The following LCMT1 variants were observed in gnomAD, a reference collection of about 807,000 sequenced individuals.
LCMT1 encodes leucine carboxyl methyltransferase 1.
In LCMT1, 32 loss-of-function variants were observed where a neutral mutation model predicts 47.7. The observed-to-expected ratio is 0.67, with a 90% confidence interval of 0.51 to 0.90. The LOEUF (loss-of-function observed/expected upper bound fraction) is 0.90. LCMT1 is among the 40% of genes least tolerant of loss of function. The probability of loss-of-function intolerance (pLI) is 0.00; values close to 1 mark genes in which losing one functional copy is unlikely to be tolerated. For missense variants in LCMT1, 375 were observed against 415.2 expected, an observed-to-expected ratio of 0.90 and a Z score of 0.84; for synonymous variants, 152 against 149.7, an observed-to-expected ratio of 1.02 and a Z score of -0.11.
Position 25,170,700 on chromosome 16 carries a change from G to T in LCMT1, c.793-14G>T. 1 of 1,605,108 alleles carries T rather than the reference G, an allele frequency of 6.2e-7. No homozygotes were observed. The highest frequency in any genetic ancestry group is 8.5e-7 in the Non-Finnish European group (1 of 1,173,036). ...GTTCTCTAGTTCTCCATTTCTCTTC[G>T]TTGCACATTTTAGAAAGAACGGCTC... is the stretch of plus-strand genomic sequence containing the variant. On this transcript the variant is annotated splice_polypyrimidine_tract_variant and intron_variant, in intron 8 of 10. Transcript: ENST00000399069.
chr16:25,143,618 T>C (rs1379630206), intron 4 of LCMT1: 1 of 152,182 alleles, frequency 6.6e-6, no homozygotes, highest in Admixed American at 6.5e-5. Context: ...TTTGGAGTCA[T>C]TTGGGTTAAA....
chr16:25,123,749 A>G (rs980944813), intron 1 of LCMT1, among the ~76,000 whole-genome samples: 1 of 151,008 alleles, frequency 6.6e-6, no homozygotes, highest in African/African-American at 2.4e-5. Context: ...CTGGGATTAC[A>G]GGCATGAGCC....
At position 25,170,807 on chromosome 16, in the gene LCMT1, T is replaced by A; in HGVS notation, c.884+2T>A. On this transcript the variant is annotated splice_donor_variant, in intron 9 of 10. Transcript: ENST00000399069. LOFTEE classifies it high-confidence loss of function. The stretch of plus-strand genomic sequence containing the variant: ...GTTACCTCGAGCTGAAGTGAGCAGG[T>A]ATGGGGTTGGTGAGCGTCAGCTTGA... 6.2e-7 allele frequency: 1 copy of A among 1,602,492 alleles called. No homozygotes were observed. The highest frequency in any genetic ancestry group is 8.5e-7 in the Non-Finnish European group (1 of 1,171,866).
chr16:25,122,314 TG>T (rs1322391836), intron 1 of LCMT1, among the ~76,000 whole-genome samples: 35 of 152,112 alleles, frequency 2.3e-4, no homozygotes, highest in Non-Finnish European at 3.4e-4. Context: ...ATGATGATGA[TG>T]ATTATTGTTT....
At chr16:25,168,467 A>C (rs1961653512) in intron 7 of LCMT1, among the ~76,000 whole-genome samples, 1 of 152,188 alleles carries the variant, frequency 6.6e-6, no homozygotes, top group Admixed American at 6.5e-5. Flanking sequence ...TAATTTAAAA[A>C]GTAATACCAT....
chr16:25,174,372 T>C (rs1033749731), intron 9 of LCMT1, among the ~76,000 whole-genome samples: 4 of 152,262 alleles, frequency 2.6e-5, no homozygotes, highest in African/African-American at 9.6e-5. Context: ...CTACCATTTC[T>C]AGTTTCTTCT....
intron 1 of LCMT1, among the ~76,000 whole-genome samples, chr16:25,115,839 G>A (rs1294679975): frequency 1.3e-5 from 2 of 152,026 alleles, no homozygotes; most frequent in African/African-American, 2.4e-5. Context: ...CACCACACCC[G>A]GCTAATTTTT....
At chr16:25,176,550 CTTTTTTTTTTTTTTTTTTT>C (rs1170373745) in intron 10 of LCMT1, among the ~76,000 whole-genome samples, 5 of 44,268 alleles carry the variant, frequency 1.1e-4, no homozygotes, top group East Asian at 9.7e-4. Flanking sequence ...TTTTTTTTGG[CTTTTTTTTTTTTTTTTTTT>C]TTTTTTTTTT....
intron 3 of LCMT1, among the ~76,000 whole-genome samples, chr16:25,136,023 C>T (rs1240220144): frequency 2.8e-5 from 4 of 142,684 alleles, no homozygotes; most frequent in Non-Finnish European, 4.5e-5. Context: ...CCCCGGAGGT[C>T]GAGACTGTAG....
At chr16:25,124,603 A>C (rs1960102784) in intron 1 of LCMT1, among the ~76,000 whole-genome samples, 1 of 152,252 alleles carries the variant, frequency 6.6e-6, no homozygotes, top group Non-Finnish European at 1.5e-5. Context: ...ATGAGGCACC[A>C]GGCTTGATCC....
In LCMT1 at chr16:25,168,951, C is replaced by T. The variant is rs146173058; in HGVS notation, c.691-161C>T. 1.3e-3 allele frequency among the ~76,000 whole-genome samples: 193 copies of T among 152,294 alleles called. 1 individual carries two copies. The highest frequency in any genetic ancestry group is 4.4e-3 in the African/African-American group (182 of 41,552). On this transcript the variant is annotated intron_variant, in intron 7 of 10. Transcript: ENST00000399069. Reference sequence around the variant, plus strand: ...CCAGGGCTACCCAAGTTTATGCTCCCGCCAGCACCGTGCTGGTGCCCGCCC... The same window carrying T: ...CCAGGGCTACCCAAGTTTATGCTCCTGCCAGCACCGTGCTGGTGCCCGCCC...
intron 4 of LCMT1, chr16:25,142,572 AT>A (rs1960726944): frequency 6.6e-6 from 1 of 152,160 alleles, no homozygotes; most frequent in Non-Finnish European, 1.5e-5. Context: ...TGAAGCTATA[AT>A]GCCGGAAAGG....
rs1567332672 is a variant in LCMT1, at chr16:25,178,072, T to G, written c.*49T>G. ...CAGAAGCCGAAGCCACTTGCCCTCC[T>G]GGAGGAGACCTGCAAGCTCCCTGAG... On this transcript the variant is annotated 3_prime_UTR_variant, in exon 11 of 11. Transcript: ENST00000399069. 1.2e-6 allele frequency: 2 copies of G among 1,601,478 alleles called. No homozygotes were observed. Among genetic ancestry groups the G allele is most frequent in the South Asian group, 1.1e-5 (1 of 90,412 alleles).
chr16:25,152,713 G>GA (rs1385433565), intron 5 of LCMT1, among the ~76,000 whole-genome samples: 4 of 152,112 alleles, frequency 2.6e-5, no homozygotes, highest in African/African-American at 9.7e-5. Context: ...CTCAGTTAGA[G>GA]GAGTTGCCCA....
chr16:25,167,970 T>C (rs1434312289), intron 7 of LCMT1, among the ~76,000 whole-genome samples: 1 of 152,064 alleles, frequency 6.6e-6, no homozygotes, highest in Non-Finnish European at 1.5e-5. Flanking sequence ...TTGGCCAGGC[T>C]GGTCTCAAAC....
chr16:25,153,442 G>C (rs1432598026), intron 5 of LCMT1, among the ~76,000 whole-genome samples: 1 of 151,924 alleles, frequency 6.6e-6, no homozygotes, highest in African/African-American at 2.4e-5. Context: ...CTGTGTGAGA[G>C]AGAGGTGAAG....
At chr16:25,134,436 G>GTCT (rs1270460076) in intron 3 of LCMT1, among the ~76,000 whole-genome samples, 1 of 152,204 alleles carries the variant, frequency 6.6e-6, no homozygotes, top group Non-Finnish European at 1.5e-5. Flanking sequence ...CTGCAAGATT[G>GTCT]TCTTCCAGGA....
rs369260403 is a variant in LCMT1, at chr16:25,161,583, G to A, written c.569+379G>A. Reference sequence around the variant, plus strand: ...GTAGTCAGGCTGGTCTCAAACTCCCGACCTCAGGTGATCCGCCTGCCTTGG... The same window carrying A: ...GTAGTCAGGCTGGTCTCAAACTCCCAACCTCAGGTGATCCGCCTGCCTTGG... On this transcript the variant is annotated intron_variant, in intron 6 of 10. Transcript: ENST00000399069. Among the ~76,000 whole-genome samples the A allele has an allele frequency of 3.4e-4, 52 of 152,148 alleles. 1 individual carries two copies. In the South Asian group the frequency reaches 7.5e-3, roughly 22 times the overall value.
In LCMT1 at chr16:25,128,549, C is replaced by T. The variant is rs1473117576; in HGVS notation, c.188C>T (p.Ala63Val). 1 of 1,602,546 alleles carries T rather than the reference C, an allele frequency of 6.2e-7. No homozygotes were observed. The highest frequency in any genetic ancestry group is 8.5e-7 in the Non-Finnish European group (1 of 1,174,286). ...GTGAGACTGTCTAAAGAGAGGAAAG[C>T]CCCTGAAATCAACAGAGGCAAGTGA... ...HFVRLSKERK[A>V]PEINRGYFAR... Residue 63 changes from alanine to valine, a missense_variant, in exon 2 of 11, where the codon GCC becomes GTC. By Grantham distance (64) the Ala-to-Val change is moderately conservative. Coordinates refer to ENST00000399069, the MANE Select transcript of LCMT1 (RefSeq NM_016309.3).
Sources: gnomAD v4.1 joint callset for allele counts (sites outside exome capture counted in the v4.1 genomes callset) on GRCh38, gnomAD v4.1.1 for gene constraint, MANE v1.5 for transcripts, NCBI Gene and HGNC (gene_info 2026-07-23, HGNC 2026-07-21) for gene names.